The following FRMD4B variants were observed in gnomAD, a reference collection of about 807,000 sequenced individuals.
FRMD4B encodes FERM domain-containing protein 4B.
In FRMD4B, 74 loss-of-function variants were observed where a neutral mutation model predicts 141.5. The observed-to-expected ratio is 0.52, with a 90% CI of 0.43 to 0.63. The LOEUF is 0.63. Among genes scored for constraint, FRMD4B ranks in the 30% least tolerant of loss-of-function variants. The pLI is 0.00. For synonymous variants in FRMD4B, 506 were observed against 467.9 expected (o/e 1.08, Z -1.05); for missense variants, 1,366 against 1,253.4 (o/e 1.09, Z -1.36).
chr3:69,347,657 T>C (rs1346110378), intron 1 of FRMD4B, among the ~76,000 whole-genome samples: 1 of 152,122 alleles, frequency 6.6e-6, no homozygotes, highest in East Asian at 1.9e-4. Flanking sequence ...GCAATCAAAC[T>C]AGAACTCAGG....
At chr3:69,199,037 G>A (rs764821269) in intron 11 of FRMD4B, 62 of 338,804 alleles carry the variant, frequency 1.8e-4, no homozygotes, top group Non-Finnish European at 1.0e-4. Flanking sequence ...TTGGGAGGCC[G>A]AGGCAGGTGG....
intron 1 of FRMD4B, among the ~76,000 whole-genome samples, chr3:69,454,134 A>G (rs988025831): frequency 1.1e-4 from 16 of 152,312 alleles, no homozygotes; most frequent in Admixed American, 8.5e-4. Context: ...AACAGTAACA[A>G]TGAAGAAGGA....
At chr3:69,470,039 T>A (rs1292689580) in intron 1 of FRMD4B, among the ~76,000 whole-genome samples, 1 of 152,206 alleles carries the variant, frequency 6.6e-6, no homozygotes, top group Non-Finnish European at 1.5e-5. Context: ...GACACCCAGA[T>A]GCAAAACACA....
At chr3:69,354,660 C>T (rs1703261067) in intron 1 of FRMD4B, among the ~76,000 whole-genome samples, 1 of 152,068 alleles carries the variant, frequency 6.6e-6, no homozygotes, top group Non-Finnish European at 1.5e-5. Flanking sequence ...AAGAATTTGC[C>T]TGGGAGATAC....
chr3:69,427,909 G>A (rs1213181144), intron 2 of FRMD4B, among the ~76,000 whole-genome samples: 1 of 151,668 alleles, frequency 6.6e-6, no homozygotes, highest in Non-Finnish European at 1.5e-5. Context: ...GCCCACCTCG[G>A]CCTCCCAAAA....
chr3:69,241,986 G>A (rs1171032122), intron 7 of FRMD4B, among the ~76,000 whole-genome samples: 1 of 152,192 alleles, frequency 6.6e-6, no homozygotes, highest in African/African-American at 2.4e-5. Flanking sequence ...CTCTAGCTAT[G>A]TGACCTAAAT....
intron 2 of FRMD4B, among the ~76,000 whole-genome samples, chr3:69,412,912 GT>G (rs200536403): frequency 3.6e-3 from 532 of 147,116 alleles, no homozygotes; most frequent in African/African-American, 0.013. Context: ...TTGAAGTTGG[GT>G]GGGAAGCTTC....
intron 11 of FRMD4B, among the ~76,000 whole-genome samples, chr3:69,211,662 T>A (rs6782395): frequency 1.3e-5 from 2 of 152,208 alleles, no homozygotes; most frequent in African/African-American, 4.8e-5. Context: ...TTAAGCCACA[T>A]AATTGTAACA....
chr3:69,250,322 T>TGTGTGTG, intron 5 of FRMD4B: 13 of 486,492 alleles, frequency 2.7e-5, no homozygotes, highest in Admixed American at 1.1e-4. Context: ...TGTGTGTCTA[T>TGTGTGTG]TTTAAATAGC....
chr3:69,494,269 A>T (rs78428200), intron 1 of FRMD4B, among the ~76,000 whole-genome samples: 2 of 152,184 alleles, frequency 1.3e-5, no homozygotes, highest in African/African-American at 4.8e-5. Flanking sequence ...GGGTGGGTCC[A>T]GGGTCTAGAA....
intron 1 of FRMD4B, among the ~76,000 whole-genome samples, chr3:69,360,284 C>T (rs1703434720): frequency 6.6e-6 from 1 of 152,106 alleles, no homozygotes; most frequent in Non-Finnish European, 1.5e-5. Flanking sequence ...TTTCTGTCCT[C>T]CTATATGTAT....
chr3:69,286,942 T>C (rs1390079297), intron 5 of FRMD4B, among the ~76,000 whole-genome samples: 1 of 152,128 alleles, frequency 6.6e-6, no homozygotes, highest in Non-Finnish European at 1.5e-5. Context: ...GTAGCTGGGA[T>C]TACAGGGGCA....
chr3:69,169,722 C>T lies in FRMD4B; in HGVS notation c.*2139G>A, dbSNP rs1474107635. ...CCAAGTTATATTTGCCCTTTCAAGG[C>T]ATGCTTGCAAGTGTAACCATACTAT... On this transcript the variant is annotated 3_prime_UTR_variant, in exon 23 of 23. Transcript: ENST00000398540. Among the ~76,000 whole-genome samples, 2 of 152,158 alleles carry T rather than the reference C, an allele frequency of 1.3e-5. No homozygotes were observed. The highest frequency in any genetic ancestry group is 2.9e-5 in the Non-Finnish European group (2 of 68,024).
intron 1 of FRMD4B, among the ~76,000 whole-genome samples, chr3:69,366,261 A>G (rs1271858992): frequency 2.3e-5 from 3 of 131,990 alleles, no homozygotes; most frequent in Admixed American, 7.7e-5. Context: ...CTCTGTCTCA[A>G]AAAACAAAAA....
At chr3:69,286,189 A>G (rs576232795) in intron 5 of FRMD4B, among the ~76,000 whole-genome samples, 7 of 152,240 alleles carry the variant, frequency 4.6e-5, no homozygotes, top group African/African-American at 1.7e-4. Flanking sequence ...ACAGACAGAA[A>G]TATTAACCTA....
chr3:69,465,301 C>G (rs1705764782), intron 1 of FRMD4B, among the ~76,000 whole-genome samples: 1 of 140,366 alleles, frequency 7.1e-6, no homozygotes, highest in African/African-American at 2.7e-5. Flanking sequence ...GCCTGGGTAA[C>G]AGAGCGAGGC....
chr3:69,486,287 T>A (rs1292929229), intron 1 of FRMD4B, among the ~76,000 whole-genome samples: 2 of 152,202 alleles, frequency 1.3e-5, no homozygotes, highest in African/African-American at 4.8e-5. Flanking sequence ...GTAAGTTCTT[T>A]AGTGATCTGT....
chr3:69,333,596 T>G (rs1702449746), intron 1 of FRMD4B, among the ~76,000 whole-genome samples: 1 of 152,216 alleles, frequency 6.6e-6, no homozygotes, highest in Non-Finnish European at 1.5e-5. Context: ...CAGGAGTAAG[T>G]TATTAATTAA....
chr3:69,174,770 T>A (rs1237694195), intron 22 of FRMD4B, among the ~76,000 whole-genome samples: 5 of 152,166 alleles, frequency 3.3e-5, no homozygotes, highest in Non-Finnish European at 5.9e-5. Context: ...CACCAAAAAC[T>A]GTATAATCAT....
Sources: gnomAD v4.1 joint callset for allele counts (sites outside exome capture counted in the v4.1 genomes callset) on GRCh38, gnomAD v4.1.1 for gene constraint, MANE v1.5 for transcripts, NCBI Gene and HGNC (gene_info 2026-07-23, HGNC 2026-07-21) for gene names.